MTCL1: variants seen among roughly 807,000 people sequenced by gnomAD.
MTCL1 encodes microtubule cross-linking factor 1.
A neutral mutation model predicts 141.4 loss-of-function variants in MTCL1; 79 were observed. That is an observed-to-expected ratio of 0.56 (90% CI 0.47 to 0.67). The LOEUF (loss-of-function observed/expected upper bound fraction) is 0.67. Among genes scored for constraint, MTCL1 ranks in the 30% least tolerant of loss-of-function variants. MTCL1 has a pLI of 0.00. For missense variants in MTCL1, 2,177 were observed against 2,113.9 expected (o/e 1.03, Z -0.59); for synonymous variants, 914 against 875.8 (o/e 1.04, Z -0.77).
intron 11 of MTCL1, chr18:8,809,597 T>A (rs1385227387): frequency 6.5e-7 from 1 of 1,535,060 alleles, no homozygotes; most frequent in South Asian, 1.2e-5. Context: ...GCAGCAGCAG[T>A]GGAGAAGGAG....
At chr18:8,808,420 G>A (rs141838430) in intron 11 of MTCL1, among the ~76,000 whole-genome samples, 65 of 152,308 alleles carry the variant, frequency 4.3e-4, no homozygotes, top group African/African-American at 6.7e-4. Flanking sequence ...TTATAGGAAC[G>A]TAGTATCCAC....
chr18:8,830,346 T>C lies in MTCL1; in HGVS notation c.*19-1261T>C. 1.0e-6 allele frequency: 1 copy of C among 985,534 alleles called. No homozygotes were observed. Among genetic ancestry groups the C allele is most frequent in the Non-Finnish European group, 1.2e-6 (1 of 830,004 alleles). 61.0% of individuals were successfully genotyped at this position (985,534 alleles called of 1,614,324 possible). A position where few individuals can be genotyped will look rare whatever the true frequency, so the allele number is the denominator to read the frequency against. Reference sequence around the variant, plus strand: ...CAAAAGCAGCAGGGAGCATGAAGCATAGTCTCCAGGGCCACTGTTCCTTTT... The same window carrying C: ...CAAAAGCAGCAGGGAGCATGAAGCACAGTCTCCAGGGCCACTGTTCCTTTT... On this transcript the variant is annotated intron_variant, in intron 16 of 16. Coordinates refer to ENST00000359865, the Ensembl canonical transcript of MTCL1. The surrounding 1 kb of genome is among the most constrained non-coding windows in gnomAD (Gnocchi z 6.4).
At chr18:8,825,013 T>A (rs766477860) in exon 15 of MTCL1, 1 of 1,613,178 alleles carries the variant, frequency 6.2e-7, no homozygotes, top group African/African-American at 1.3e-5. Flanking sequence ...ACGGACACCA[T>A]GACCAGCCCA....
At chr18:8,800,072 C>A (rs987199500) in intron 10 of MTCL1, among the ~76,000 whole-genome samples, 4 of 152,226 alleles carry the variant, frequency 2.6e-5, no homozygotes, top group African/African-American at 9.6e-5. Context: ...CTAACGCATG[C>A]ACAACCCTCT....
At chr18:8,733,072 C>T (rs1245733539) in intron 4 of MTCL1, among the ~76,000 whole-genome samples, 2 of 152,182 alleles carry the variant, frequency 1.3e-5, no homozygotes, top group East Asian at 3.9e-4. Context: ...TAGACCGTTG[C>T]CAGTTGTTTT....
chr18:8,809,518 C>T (rs999210945), intron 11 of MTCL1: 5 of 1,536,022 alleles, frequency 3.3e-6, no homozygotes, highest in Non-Finnish European at 4.4e-6. Context: ...CCAGCTGGGT[C>T]CACGGTAAAA....
At chr18:8,716,795 A>T (rs190718180), upstream of MTCL1, among the ~76,000 whole-genome samples, 1 of 152,232 alleles carries the variant, frequency 6.6e-6, no homozygotes, top group East Asian at 1.9e-4. Context: ...AATGGGAATA[A>T]CTGAGTGCAT....
At chr18:8,798,028 A>G (rs1475300521) in intron 9 of MTCL1, 69 bp from the exon 9 acceptor site, 2 of 1,439,458 alleles carry the variant, frequency 1.4e-6, no homozygotes, top group African/African-American at 1.5e-5. Context: ...ATCCTCAGAC[A>G]GTGAAAATCA....
chr18:8,799,290 A>T (rs2076035689), intron 10 of MTCL1, among the ~76,000 whole-genome samples: 1 of 152,220 alleles, frequency 6.6e-6, no homozygotes, highest in Admixed American at 6.5e-5. Context: ...CCAGATGAGG[A>T]CAGGCGGCAA....
At chr18:8,767,599 C>A (rs1004189182) in intron 4 of MTCL1, among the ~76,000 whole-genome samples, 2 of 152,210 alleles carry the variant, frequency 1.3e-5, no homozygotes, top group African/African-American at 4.8e-5. Flanking sequence ...GCAGTTTAAT[C>A]TCCTGTTCAT....
chr18:8,828,767 T>C lies in MTCL1; in HGVS notation c.4723-141T>C. On this transcript the variant is annotated intron_variant, in intron 15 of 16. Coordinates refer to ENST00000359865, the Ensembl canonical transcript of MTCL1. The surrounding 1 kb of genome is among the most constrained non-coding windows in gnomAD (Gnocchi z 5.2). ...TGCTAGATCTGAGAGCCCGCAAGTC[T>C]CTCCTGGTGGCTACCCCTGAGCGAG... The C allele has an allele frequency of 7.2e-7, 1 of 1,395,904 alleles. No homozygotes were observed. The highest frequency in any genetic ancestry group is 2.2e-5 in the Admixed American group (1 of 46,070). The allele number at this position is 1,395,904 out of a possible 1,614,324, so 86.5% of individuals were successfully genotyped here. A position where few individuals can be genotyped will look rare whatever the true frequency, so the allele number is the denominator to read the frequency against.
intron 1 of MTCL1, among the ~76,000 whole-genome samples, chr18:8,712,310 G>T (rs1216179217): frequency 1.3e-5 from 2 of 152,240 alleles, no homozygotes; most frequent in African/African-American, 4.8e-5. Context: ...GGTTTTATAG[G>T]TTGCAGTGTC....
chr18:8,761,298 T>G (rs2149001458), intron 4 of MTCL1, among the ~76,000 whole-genome samples: 1 of 152,284 alleles, frequency 6.6e-6, no homozygotes, highest in East Asian at 1.9e-4. Flanking sequence ...TGCTTATGAC[T>G]GAAAATTTTT....
exon 15 of MTCL1, chr18:8,825,679 A>G: frequency 6.2e-7 from 1 of 1,613,854 alleles, no homozygotes; most frequent in Non-Finnish European, 8.5e-7. Context: ...TCCCCCAAGT[A>G]TGGTTCTCCC....
chr18:8,806,119 T>G (rs1275795487), intron 10 of MTCL1, among the ~76,000 whole-genome samples: 1 of 152,146 alleles, frequency 6.6e-6, no homozygotes, highest in African/African-American at 2.4e-5. Flanking sequence ...TGAGGGTGGG[T>G]CTGGCTTGTC....
Position 8,825,603 on chromosome 18 carries a change from C to CT in MTCL1, c.4095dup (p.Arg1366Ter). 1 of 1,613,836 alleles carries CT rather than the reference C, an allele frequency of 6.2e-7. No individual in the cohort carries two copies. Among genetic ancestry groups the CT allele is most frequent in the Non-Finnish European group, 8.5e-7 (1 of 1,179,974 alleles). ...ACCCGTGTCGTCTCCTTCCCGGAGC[C>CT]TTAGGAGCAGACAGGTGGCCCCTGC... On this transcript the variant is annotated frameshift_variant, in exon 15 of 17. Transcript: ENST00000359865. LOFTEE classifies it high-confidence loss of function.
exon 17 of MTCL1, chr18:8,831,971 C>T: frequency 1.2e-6 from 1 of 813,572 alleles, no homozygotes; most frequent in Non-Finnish European, 1.9e-6. Flanking sequence ...TGAGATGTTT[C>T]TAGAATGAAA....
At chr18:8,714,663 A>C (rs1273681704), upstream of MTCL1, among the ~76,000 whole-genome samples, 1 of 152,152 alleles carries the variant, frequency 6.6e-6, no homozygotes, top group Non-Finnish European at 1.5e-5. Context: ...GCAGAGGAGA[A>C]ACCCGCCCCC....
At chr18:8,716,689 A>G (rs1376222406), upstream of MTCL1, among the ~76,000 whole-genome samples, 1 of 151,746 alleles carries the variant, frequency 6.6e-6, no homozygotes, top group Admixed American at 6.6e-5. Flanking sequence ...AAAATCCAGG[A>G]ACAAAGGGAA....
Sources: allele counts gnomAD v4.1 joint callset (sites outside exome capture counted in the v4.1 genomes callset), GRCh38; gene constraint gnomAD v4.1.1; non-coding constraint Gnocchi (gnomAD v3.1); transcripts MANE v1.5; gene names NCBI Gene and HGNC (gene_info 2026-07-23, HGNC 2026-07-21).